Variants in GAS2 observed in about 807,000 individuals in gnomAD.
GAS2 encodes growth arrest specific 2, also known as growth arrest-specific protein 2.
Under a neutral mutation model 37.5 loss-of-function variants are expected in GAS2, and 20 were observed. That is an observed-to-expected ratio of 0.53 (90% confidence interval 0.37 to 0.77). The LOEUF (loss-of-function observed/expected upper bound fraction) is 0.77, where lower values mean the gene tolerates loss of function less well. Among genes scored for constraint, GAS2 ranks in the 30% least tolerant of loss-of-function variants. GAS2 has a pLI of 0.00. For synonymous variants in GAS2, 144 were observed against 132.2 expected, an observed-to-expected ratio of 1.09 and a Z score of -0.61; for missense variants, 336 against 373.4, an observed-to-expected ratio of 0.90 and a Z score of 0.82.
chr11:22,791,915 T>G (rs1856184201), intron 7 of GAS2, among the ~76,000 whole-genome samples: 1 of 151,830 alleles, frequency 6.6e-6, no homozygotes, highest in African/African-American at 2.4e-5. Flanking sequence ...CAATGAGGAG[T>G]GAATATTGGT....
At chr11:22,636,675 G>A (rs558460675) in intron 1 of GAS2, among the ~76,000 whole-genome samples, 1 of 151,930 alleles carries the variant, frequency 6.6e-6, no homozygotes, top group East Asian at 1.9e-4. Context: ...TAGGCCTAGA[G>A]GATCTAGTGA....
In GAS2 at chr11:22,681,207, T is replaced by C. The variant is rs1051079992; in HGVS notation, c.146-4461T>C. Among the ~76,000 whole-genome samples the C allele has an allele frequency of 2.0e-5, 3 of 152,168 alleles. 1 individual carries two copies. The highest frequency in any genetic ancestry group is 7.2e-5 in the African/African-American group (3 of 41,456). On this transcript the variant is annotated intron_variant, in intron 2 of 7. Transcript: ENST00000454584. Reference sequence around the variant, plus strand: ...AAACACTTATAGGCTGATATGTAAATCTTTATAAAAGTTATGGCAAACATA... The same window carrying C: ...AAACACTTATAGGCTGATATGTAAACCTTTATAAAAGTTATGGCAAACATA...
At chr11:22,629,225 A>C (rs1242681380) in intron 1 of GAS2, among the ~76,000 whole-genome samples, 1 of 152,218 alleles carries the variant, frequency 6.6e-6, no homozygotes, top group Non-Finnish European at 1.5e-5. Context: ...CTCTACATTT[A>C]GTTCTTTGAG....
intron 7 of GAS2, among the ~76,000 whole-genome samples, chr11:22,761,689 G>C (rs1854399300): frequency 6.6e-6 from 1 of 152,104 alleles, no homozygotes; most frequent in African/African-American, 2.4e-5. Flanking sequence ...TTGTTAGCCT[G>C]TATCAGAACA....
chr11:22,723,093 T>C (rs1188617843), intron 3 of GAS2, among the ~76,000 whole-genome samples: 2 of 151,896 alleles, frequency 1.3e-5, no homozygotes, highest in East Asian at 3.9e-4. Context: ...TAAAATATTT[T>C]ATCTGGATGA....
intron 3 of GAS2, among the ~76,000 whole-genome samples, chr11:22,713,613 G>C (rs1362048012): frequency 6.6e-6 from 1 of 152,116 alleles, no homozygotes; most frequent in Non-Finnish European, 1.5e-5. Context: ...AGAGGCAAAA[G>C]CATCAGGTAG....
intron 3 of GAS2, among the ~76,000 whole-genome samples, chr11:22,718,380 C>T (rs908819989): frequency 4.0e-5 from 6 of 151,842 alleles, no homozygotes; most frequent in Non-Finnish European, 4.4e-5. Context: ...GAATAGAGTT[C>T]GAGACCATTA....
At chr11:22,666,995 A>G (rs1849005247) in intron 1 of GAS2, 96 bp downstream of exon 1, 1 of 152,242 alleles carries the variant, frequency 6.6e-6, no homozygotes, top group African/African-American at 2.4e-5. Context: ...TGTCTACTGC[A>G]CCCGGGGCGG....
intron 7 of GAS2, among the ~76,000 whole-genome samples, chr11:22,776,963 AT>A (rs1484676554): frequency 6.6e-6 from 1 of 152,178 alleles, no homozygotes. Context: ...TAACTATTGA[AT>A]TACCATTTTA....
chr11:22,769,121 A>G (rs1854842475), intron 7 of GAS2, among the ~76,000 whole-genome samples: 1 of 152,216 alleles, frequency 6.6e-6, no homozygotes, highest in East Asian at 1.9e-4. Flanking sequence ...TTGCCTGTCC[A>G]CCTGGTAGGA....
At chr11:22,799,070 G>T (rs1320854620) in intron 7 of GAS2, among the ~76,000 whole-genome samples, 1 of 152,084 alleles carries the variant, frequency 6.6e-6, no homozygotes, top group Admixed American at 6.6e-5. Context: ...TGACAGGAAG[G>T]TGTTGGGAAG....
chr11:22,786,909 ATG>A (rs1855845267), intron 7 of GAS2, among the ~76,000 whole-genome samples: 1 of 152,186 alleles, frequency 6.6e-6, no homozygotes, highest in African/African-American at 2.4e-5. Context: ...ATTCTGAACA[ATG>A]CATATTAGAA....
chr11:22,808,310 T>G (rs1856991017), intron 7 of GAS2, among the ~76,000 whole-genome samples: 2 of 152,196 alleles, frequency 1.3e-5, no homozygotes, highest in Admixed American at 6.5e-5. Context: ...GGCAGGAAAG[T>G]AAACCTAGAT....
intron 1 of GAS2, among the ~76,000 whole-genome samples, chr11:22,644,410 A>T (rs1327036877): frequency 1.3e-5 from 2 of 152,172 alleles, no homozygotes; most frequent in Non-Finnish European, 2.9e-5. Flanking sequence ...TTATCAGTTA[A>T]TTACCAAGTA....
chr11:22,739,572 CAAAAAAAAAAAAA>C (rs71037525), intron 5 of GAS2, among the ~76,000 whole-genome samples: 1 of 64,650 alleles, frequency 1.5e-5, no homozygotes, highest in South Asian at 8.1e-4. Flanking sequence ...GATTCGCTCT[CAAAAAAAAAAAAA>C]AAAAAAAAAA....
chr11:22,746,895 A>G (rs1238031402), intron 5 of GAS2, among the ~76,000 whole-genome samples: 3 of 152,198 alleles, frequency 2.0e-5, no homozygotes, highest in African/African-American at 7.2e-5. Context: ...AAGTAGGTCA[A>G]TGGAACAGTT....
chr11:22,734,320 T>C (rs1462039074), intron 4 of GAS2, among the ~76,000 whole-genome samples: 3 of 151,768 alleles, frequency 2.0e-5, no homozygotes, highest in Non-Finnish European at 4.4e-5. Flanking sequence ...CTGAAGGATA[T>C]CTACTTTATA....
At chr11:22,783,071 T>A (rs1187366648) in intron 7 of GAS2, among the ~76,000 whole-genome samples, 1 of 152,176 alleles carries the variant, frequency 6.6e-6, no homozygotes, top group Non-Finnish European at 1.5e-5. Flanking sequence ...ACCAACAGTG[T>A]GTAAATGTCC....
intron 7 of GAS2, among the ~76,000 whole-genome samples, chr11:22,787,356 A>C (rs1855865063): frequency 6.6e-6 from 1 of 152,200 alleles, no homozygotes; most frequent in African/African-American, 2.4e-5. Flanking sequence ...TAAAGTGCTC[A>C]GTAGAAAGTA....
Sources: gnomAD v4.1 joint callset for allele counts (sites outside exome capture counted in the v4.1 genomes callset) on GRCh38, gnomAD v4.1.1 for gene constraint, MANE v1.5 for transcripts, NCBI Gene and HGNC (gene_info 2026-07-23, HGNC 2026-07-21) for gene names.